PRKAR1A: variants seen among roughly 807,000 people sequenced by gnomAD.
PRKAR1A encodes the protein cAMP-dependent protein kinase type I-alpha regulatory subunit.
A neutral mutation model predicts 52.0 loss-of-function variants in PRKAR1A; 3 were observed. The observed-to-expected ratio is 0.06, with a 90% CI of 0.03 to 0.15. PRKAR1A has a LOEUF of 0.15. PRKAR1A is among the 10% of genes least tolerant of loss of function. The pLI, the probability that PRKAR1A is intolerant of heterozygous loss-of-function variation, is 1.00. For synonymous variants in PRKAR1A, 188 were observed against 168.4 expected, an observed-to-expected ratio of 1.12 and a Z score of -0.90; for missense variants, 240 against 477.4, an observed-to-expected ratio of 0.50 and a Z score of 4.63.
At chr17:68,463,765 A>G in the PRKAR1A span, among the ~76,000 whole-genome samples, 1 of 152,186 alleles carries the variant, frequency 6.6e-6, no homozygotes, top group South Asian at 2.1e-4. Flanking sequence ...GGGCCGCTGG[A>G]GTGGGGAGAA....
chr17:68,509,466 GA>G (rs2085235755), upstream of PRKAR1A, among the ~76,000 whole-genome samples: 1 of 152,132 alleles, frequency 6.6e-6, no homozygotes, highest in Non-Finnish European at 1.5e-5. Context: ...AGTTAAACAG[GA>G]AAATTTACTT....
At chr17:68,487,034 C>T in the PRKAR1A span, among the ~76,000 whole-genome samples, 10 of 152,172 alleles carry the variant, frequency 6.6e-5, no homozygotes, top group Admixed American at 3.9e-4. Flanking sequence ...CCACCGCACC[C>T]GGCTAATTTT....
At chr17:68,454,102 T>C in the PRKAR1A span, among the ~76,000 whole-genome samples, 1 of 152,212 alleles carries the variant, frequency 6.6e-6, no homozygotes, top group Non-Finnish European at 1.5e-5. Context: ...CATTTTTCAA[T>C]GAGGAGATAA....
At chr17:68,461,028 A>G in the PRKAR1A span, among the ~76,000 whole-genome samples, 1 of 152,212 alleles carries the variant, frequency 6.6e-6, no homozygotes, top group African/African-American at 2.4e-5. The surrounding 1 kb of genome is among the most constrained non-coding windows in gnomAD (Gnocchi z 4.6). Flanking sequence ...TGGGCAACCT[A>G]AGTCTTACAA....
chr17:68,420,484 G>A, the PRKAR1A span: 846 of 1,600,724 alleles, frequency 5.3e-4, 4 homozygotes, highest in African/African-American at 9.5e-3. Flanking sequence ...TTTATTCCAC[G>A]AGGAGGAGTA....
At chr17:68,515,338 A>G in intron 1 of PRKAR1A, 56 bp from the exon 2 acceptor site, 1 of 1,594,280 alleles carries the variant, frequency 6.3e-7, no homozygotes, top group Non-Finnish European at 8.6e-7. Flanking sequence ...GTTAAATGCC[A>G]GATTGACATT....
chr17:68,534,003 G>C, downstream of PRKAR1A, among the ~76,000 whole-genome samples: 1 of 152,288 alleles, frequency 6.6e-6, no homozygotes, highest in Middle Eastern at 3.4e-3. Flanking sequence ...AGCATTACAG[G>C]TGTGAGCCAG....
At chr17:68,476,968 T>C in the PRKAR1A span, among the ~76,000 whole-genome samples, 3 of 152,284 alleles carry the variant, frequency 2.0e-5, no homozygotes, top group African/African-American at 7.2e-5. Flanking sequence ...CCGAGATTTC[T>C]ACTTTTAATG....
chr17:68,419,564 G>A, the PRKAR1A span, among the ~76,000 whole-genome samples: 1 of 152,116 alleles, frequency 6.6e-6, no homozygotes, highest in African/African-American at 2.4e-5. Context: ...GTGACAGAGC[G>A]AGACTCCAAC....
chr17:68,426,154 G>A, the PRKAR1A span: 123 of 1,591,874 alleles, frequency 7.7e-5, 1 homozygote, highest in Non-Finnish European at 7.4e-5. Context: ...TCCTCGCAGC[G>A]CCCCGCCGTC....
rs369011860 is a variant in PRKAR1A at position 68,525,758 on chromosome 17, A to G, written c.554A>G (p.Tyr185Cys). The change falls in exon 7 of 11, where the codon TAT (tyrosine) becomes TGT (cysteine). Residue 185 changes from tyrosine to cysteine, a missense_variant. Physicochemically the swap from Tyr to Cys is radical, Grantham distance 194 (BLOSUM62 -2). Transcript: ENST00000589228. ...YVIDQGETDV[Y>C]VNNEWATSVG... ...TTGATGTCACTTGCACTTTAGGTCT[A>G]TGTTAACAATGAATGGGCAACCAGT... 1.7e-5 allele frequency: 27 copies of G among 1,613,968 alleles called. No individual in the cohort carries two copies. The highest frequency in any genetic ancestry group is 1.7e-4 in the Middle Eastern group (1 of 6,060).
At chr17:68,463,568 A>G in the PRKAR1A span, among the ~76,000 whole-genome samples, 1 of 152,242 alleles carries the variant, frequency 6.6e-6, no homozygotes, top group Non-Finnish European at 1.5e-5. Flanking sequence ...TTAGATGGTG[A>G]TAAGTGCTAA....
upstream of PRKAR1A, among the ~76,000 whole-genome samples, chr17:68,510,195 G>GAGAGAGAGAGAT (rs1164168629): frequency 6.7e-6 from 1 of 148,652 alleles, no homozygotes; most frequent in South Asian, 2.1e-4. Flanking sequence ...GAGAGAGAGA[G>GAGAGAGAGAGAT]ATCTATCTAT....
chr17:68,453,731 G>A, the PRKAR1A span, among the ~76,000 whole-genome samples: 1 of 151,960 alleles, frequency 6.6e-6, no homozygotes, highest in Non-Finnish European at 1.5e-5. Flanking sequence ...CACCTGCCTC[G>A]GCCTCCCAAA....
At chr17:68,438,402 A>G in the PRKAR1A span, among the ~76,000 whole-genome samples, 1 of 152,218 alleles carries the variant, frequency 6.6e-6, no homozygotes, top group Non-Finnish European at 1.5e-5. Context: ...CTAGGCAGGC[A>G]GAAGGGATTC....
chr17:68,424,474 A>G, the PRKAR1A span: 1 of 534,714 alleles, frequency 1.9e-6, no homozygotes, highest in African/African-American at 1.9e-5. Context: ...TGGACACAAA[A>G]CAATGATCAG....
chr17:68,494,521 A>G, the PRKAR1A span, among the ~76,000 whole-genome samples: 4 of 152,152 alleles, frequency 2.6e-5, no homozygotes, highest in East Asian at 3.9e-4. Flanking sequence ...AGCCTGGGAG[A>G]TAGAGGGAGA....
upstream of PRKAR1A, among the ~76,000 whole-genome samples, chr17:68,507,913 G>C (rs1455977279): frequency 2.6e-5 from 4 of 152,162 alleles, no homozygotes; most frequent in Non-Finnish European, 5.9e-5. Flanking sequence ...AACTTGGGTA[G>C]GCCATGCTAC....
chr17:68,426,252 G>GGGGGGGGGGGGGGGGGGGT, the PRKAR1A span: 3 of 828,188 alleles, frequency 3.6e-6, 1 homozygote, highest in Non-Finnish European at 5.7e-6. Flanking sequence ...TGGGGAGCGG[G>GGGGGGGGGGGGGGGGGGGT]GGCTCAAATA....
Sources: gnomAD v4.1 joint callset for allele counts (sites outside exome capture counted in the v4.1 genomes callset) on GRCh38, gnomAD v4.1.1 for gene constraint, Gnocchi (gnomAD v3.1) non-coding constraint, MANE v1.5 for transcripts, NCBI Gene and HGNC (gene_info 2026-07-23, HGNC 2026-07-21) for gene names.